Variants in TBC1D30 observed in about 807,000 individuals in gnomAD.
TBC1D30 encodes TBC1 domain family, member 30.
TBC1D30 carries 31 observed loss-of-function variants against 63.2 expected under a neutral mutation model. That is an observed-to-expected ratio of 0.49 (90% CI 0.37 to 0.66). The LOEUF is 0.66. TBC1D30 is among the 30% of genes least tolerant of loss of function. TBC1D30 has a pLI of 0.00. For missense variants in TBC1D30, 810 were observed against 953.6 expected, an observed-to-expected ratio of 0.85 and a Z score of 1.98; for synonymous variants, 307 against 361.5, an observed-to-expected ratio of 0.85 and a Z score of 1.71.
At chr12:64,798,355 T>A (rs1451365639) in intron 2 of TBC1D30, among the ~76,000 whole-genome samples, 1 of 152,254 alleles carries the variant, frequency 6.6e-6, no homozygotes, top group Non-Finnish European at 1.5e-5. Flanking sequence ...TGAAGTATTC[T>A]GAATCCATCT....
In TBC1D30 at chr12:64,878,767, T is replaced by C. The variant is rs547590076; in HGVS notation, c.*2979T>C. ...ACCAGGGAAACAGCCCAATAAGCTC[T>C]ATCTCCCCCAGTCTAATCGCTGGGT... On this transcript the variant is annotated 3_prime_UTR_variant, in exon 12 of 12. Coordinates refer to ENST00000539867, the MANE Select transcript of TBC1D30 (RefSeq NM_015279.2). The C allele has an allele frequency of 3.3e-5, 11 of 333,004 alleles. No individual in the cohort carries two copies. The highest frequency in any genetic ancestry group is 1.9e-4 in the African/African-American group (9 of 46,426). 20.6% of individuals were successfully genotyped at this position (333,004 alleles called of 1,614,324 possible). A position where few individuals can be genotyped will look rare whatever the true frequency, so the allele number is the denominator to read the frequency against.
intron 8 of TBC1D30, among the ~76,000 whole-genome samples, chr12:64,858,458 A>T (rs1592647004): frequency 6.6e-6 from 1 of 152,104 alleles, no homozygotes; most frequent in Admixed American, 6.5e-5. Context: ...TCTGGTTGTT[A>T]TTCAGGGTCT....
intron 2 of TBC1D30, among the ~76,000 whole-genome samples, chr12:64,803,903 TGTATA>T: frequency 6.6e-6 from 1 of 152,158 alleles, no homozygotes; most frequent in Non-Finnish European, 1.5e-5. Flanking sequence ...TTACTGTAGC[TGTATA>T]GTATAGTTTG....
intron 7 of TBC1D30, among the ~76,000 whole-genome samples, chr12:64,841,926 C>G (rs1328146334): frequency 6.6e-6 from 1 of 152,188 alleles, no homozygotes; most frequent in Non-Finnish European, 1.5e-5. Flanking sequence ...ACTCCAGAAC[C>G]TATGGTTTTT....
chr12:64,840,894 A>G (rs567692489), intron 7 of TBC1D30, among the ~76,000 whole-genome samples: 1 of 152,348 alleles, frequency 6.6e-6, no homozygotes, highest in South Asian at 2.1e-4. Context: ...AAGGGAAAGG[A>G]AAGGCAATTG....
chr12:64,845,572 A>G (rs1876294706), intron 8 of TBC1D30, among the ~76,000 whole-genome samples: 1 of 152,026 alleles, frequency 6.6e-6, no homozygotes, highest in Non-Finnish European at 1.5e-5. Flanking sequence ...GTAAAATACA[A>G]AAAATTAGCC....
chr12:64,842,659 G>T (rs1875980888), intron 7 of TBC1D30, among the ~76,000 whole-genome samples: 1 of 152,154 alleles, frequency 6.6e-6, no homozygotes, highest in Non-Finnish European at 1.5e-5. Context: ...TCCTACTGTG[G>T]TTTGGTTTTA....
chr12:64,775,731 A>G (rs1317979272), upstream of TBC1D30, among the ~76,000 whole-genome samples: 1 of 152,202 alleles, frequency 6.6e-6, no homozygotes, highest in Non-Finnish European at 1.5e-5. Context: ...CAAGAAAGAA[A>G]ATTAACAAAG....
chr12:64,844,284 G>A (rs560614706), intron 8 of TBC1D30, among the ~76,000 whole-genome samples: 21 of 151,998 alleles, frequency 1.4e-4, no homozygotes, highest in Non-Finnish European at 1.9e-4. Flanking sequence ...GTTACTGTAC[G>A]TCAATATCAT....
intron 2 of TBC1D30, among the ~76,000 whole-genome samples, chr12:64,809,477 G>C (rs181883786): frequency 2.0e-5 from 3 of 152,186 alleles, no homozygotes; most frequent in East Asian, 3.9e-4. Flanking sequence ...TGTTACTTTT[G>C]TTTATCTACT....
intron 8 of TBC1D30, among the ~76,000 whole-genome samples, chr12:64,859,920 C>T (rs1877633423): frequency 6.6e-6 from 1 of 152,050 alleles, no homozygotes; most frequent in African/African-American, 2.4e-5. Flanking sequence ...CTGGATGCCG[C>T]TCAATCTCCT....
rs547359012 is a variant in TBC1D30, at chr12:64,869,405, T to C, written c.1292-1197T>C. Among the ~76,000 whole-genome samples, 5 of 152,280 alleles carry C rather than the reference T, an allele frequency of 3.3e-5. No individual in the cohort carries two copies. The South Asian group carries it at 1.0e-3, about 32-fold the overall frequency. ...CTTTTTAATGGCTGGGCTCATACTGTTTTGTGAGTATGTCTTTGGTATGTG... is the reference window on the plus strand; with the variant it reads ...CTTTTTAATGGCTGGGCTCATACTGCTTTGTGAGTATGTCTTTGGTATGTG... On this transcript the variant is annotated intron_variant, in intron 10 of 11. Coordinates refer to ENST00000539867, the MANE Select transcript of TBC1D30 (RefSeq NM_015279.2).
At chr12:64,845,257 T>C (rs1312756751) in intron 8 of TBC1D30, among the ~76,000 whole-genome samples, 2 of 152,206 alleles carry the variant, frequency 1.3e-5, no homozygotes, top group African/African-American at 4.8e-5. Context: ...GGGTTCCCTT[T>C]TCTCCACATC....
Position 64,852,449 on chromosome 12 carries a change from G to A in TBC1D30, c.1038+8964G>A, listed in dbSNP as rs564199817. Among the ~76,000 whole-genome samples the A allele has an allele frequency of 2.6e-5, 4 of 152,110 alleles. No individual in the cohort carries two copies. The East Asian group carries it at 7.8e-4, about 29-fold the overall frequency. ...AGCTTCATGGTTCTTTAGCTCAGAG[G>A]AGTTTATTATTACCCACCTTCTGAA... On this transcript the variant is annotated intron_variant, in intron 8 of 11. Transcript: ENST00000539867.
intron 2 of TBC1D30, among the ~76,000 whole-genome samples, chr12:64,819,115 T>C (rs528122982): frequency 6.6e-5 from 10 of 152,336 alleles, no homozygotes; most frequent in African/African-American, 2.2e-4. Context: ...CTCTGTTCCA[T>C]GCTTGATAGA....
intron 2 of TBC1D30, among the ~76,000 whole-genome samples, chr12:64,794,446 C>CTT: frequency 6.7e-6 from 1 of 148,176 alleles, no homozygotes; most frequent in East Asian, 2.0e-4. Context: ...AATGTTCTTT[C>CTT]TTTTTTTTTT....
At chr12:64,774,604 ACC>A (rs1478266768) in intron 1 of TBC1D30, among the ~76,000 whole-genome samples, 1 of 152,194 alleles carries the variant, frequency 6.6e-6, no homozygotes, top group Non-Finnish European at 1.5e-5. Flanking sequence ...TCAGAGGAAA[ACC>A]TATAAGCCAG....
intron 2 of TBC1D30, among the ~76,000 whole-genome samples, chr12:64,817,131 G>A (rs957124812): frequency 1.3e-5 from 2 of 152,178 alleles, no homozygotes; most frequent in Non-Finnish European, 2.9e-5. Context: ...AGTATGCGGC[G>A]AAGACCTCAG....
rs1874741762 is a variant in TBC1D30, at chr12:64,830,392, G to A, written c.298G>A (p.Ala100Thr). The A allele has an allele frequency of 6.5e-7, 1 of 1,530,136 alleles. No homozygotes were observed. The highest frequency in any genetic ancestry group is 8.8e-7 in the Non-Finnish European group (1 of 1,142,678). 94.8% of individuals were successfully genotyped at this position (1,530,136 alleles called of 1,614,324 possible). A position where few individuals can be genotyped will look rare whatever the true frequency, so the allele number is the denominator to read the frequency against. ...EWRRKVWLTL[A>T]DHYLHSIAID... ...AATATTTTAGGTTTGGTTGACCTTG[G>A]CAGATCATTATTTGCACAGTATAGC... The change falls in exon 4 of 12, where the codon GCA (alanine) becomes ACA (threonine). Residue 100 changes from alanine (A) to threonine (T), a missense_variant. Coordinates refer to ENST00000539867, the MANE Select transcript of TBC1D30 (RefSeq NM_015279.2).
Sources: gnomAD v4.1 joint callset for allele counts (sites outside exome capture counted in the v4.1 genomes callset) on GRCh38, gnomAD v4.1.1 for gene constraint, MANE v1.5 for transcripts, NCBI Gene and HGNC (gene_info 2026-07-23, HGNC 2026-07-21) for gene names.